Variants in SORL1 observed in about 807,000 individuals in gnomAD.
The protein encoded by SORL1 is sortilin related receptor 1, also known as sortilin-related receptor.
SORL1 carries 127 observed loss-of-function variants against 273.7 expected under a neutral mutation model. The ratio of observed to expected loss-of-function variants is 0.46; its 90% CI spans 0.40 to 0.54. SORL1 has a LOEUF of 0.54. Among genes scored for constraint, SORL1 ranks in the 20% least tolerant of loss-of-function variants. The pLI is 0.00. For synonymous variants in SORL1, 1,031 were observed against 1,067.4 expected (o/e 0.97, Z 0.66); for missense variants, 2,494 against 2,846.1 (o/e 0.88, Z 2.81).
chr11:121,544,822 C>G (rs749431083), intron 13 of SORL1, among the ~76,000 whole-genome samples: 1 of 152,148 alleles, frequency 6.6e-6, no homozygotes, highest in Non-Finnish European at 1.5e-5. Context: ...CCATTGCCTT[C>G]GGGCCACACT....
intron 12 of SORL1, among the ~76,000 whole-genome samples, chr11:121,533,161 CAAT>C (rs34500720): frequency 0.05 from 7,514 of 151,566 alleles, 270 homozygotes; most frequent in African/African-American, 0.099. Context: ...TAATAAATAG[CAAT>C]AATAATAATA....
At chr11:121,513,280 ACTGAAGCAGAG>A (rs1252813153) in intron 7 of SORL1, among the ~76,000 whole-genome samples, 176 bp downstream of exon 7, 1 of 152,224 alleles carries the variant, frequency 6.6e-6, no homozygotes, top group Non-Finnish European at 1.5e-5. Flanking sequence ...TTCCCACTTC[ACTGAAGCAGAG>A]CTGAACGAGA....
intron 37 of SORL1, among the ~76,000 whole-genome samples, chr11:121,607,601 T>C (rs768999080): frequency 2.0e-5 from 3 of 152,228 alleles, no homozygotes; most frequent in East Asian, 3.8e-4. Context: ...TCTTTCCTGC[T>C]TATCTTTAGC....
At chr11:121,570,471 C>T (rs1862824262) in intron 23 of SORL1, among the ~76,000 whole-genome samples, 1 of 152,016 alleles carries the variant, frequency 6.6e-6, no homozygotes, top group African/African-American at 2.4e-5. Flanking sequence ...ATATTATATA[C>T]ATAATATTTT....
At chr11:121,459,620 C>T (rs1220790783) in intron 1 of SORL1, among the ~76,000 whole-genome samples, 3 of 152,230 alleles carry the variant, frequency 2.0e-5, no homozygotes, top group East Asian at 1.9e-4. Flanking sequence ...TCTGTGGCTT[C>T]ACTTCTCATC....
Position 121,452,567 on chromosome 11 carries a change from G to A in SORL1, c.236G>A (p.Arg79Lys). Residue 79 changes from arginine to lysine, a missense_variant, in exon 1 of 48, where the codon AGG becomes AAG. Coordinates refer to ENST00000260197, the MANE Select transcript of SORL1 (RefSeq NM_003105.6). This position sits in a 1 kb window ranked among gnomAD's most constrained non-coding sequence, Gnocchi z 5.3. The part of the protein sequence containing the change: ...ASRADEKPLR[R>K]KRSAALQPEP... The stretch of plus-strand genomic sequence containing the variant: ...CGCGCGGACGAGAAGCCGCTCCGGA[G>A]GAAACGGAGCGCTGCCCTGCAGCCC... 1 of 1,519,340 alleles carries A rather than the reference G, an allele frequency of 6.6e-7. No individual in the cohort carries two copies. The highest frequency in any genetic ancestry group is 8.8e-7 in the Non-Finnish European group (1 of 1,141,288). 94.1% of individuals were successfully genotyped at this position (1,519,340 alleles called of 1,614,324 possible).
At chr11:121,466,463 G>T (rs1190157793) in intron 1 of SORL1, among the ~76,000 whole-genome samples, 1 of 152,172 alleles carries the variant, frequency 6.6e-6, no homozygotes, top group African/African-American at 2.4e-5. Flanking sequence ...GTTCTTGATT[G>T]CTGGGGTCTG....
chr11:121,551,110 C>T (rs1862502039), intron 16 of SORL1, among the ~76,000 whole-genome samples: 1 of 152,186 alleles, frequency 6.6e-6, no homozygotes, highest in Non-Finnish European at 1.5e-5. Context: ...TTATAGATTT[C>T]AGTGTACTTT....
rs1211214705 is a variant in SORL1 at position 121,558,577 on chromosome 11, C to G, written c.2664-14C>G. The G allele has an allele frequency of 8.7e-6, 14 of 1,613,778 alleles. No individual in the cohort carries two copies. Among genetic ancestry groups the G allele is most frequent in the Non-Finnish European group, 1.2e-5 (14 of 1,179,950 alleles). ...GTATTGATGAGGTATGTGTTCTGTC[C>G]CCATTTTCGCTAGGGTGATGTTCTG... On this transcript the variant is annotated splice_polypyrimidine_tract_variant and intron_variant, in intron 19 of 47. Transcript: ENST00000260197.
chr11:121,607,543 A>T (rs2134927029), intron 37 of SORL1, among the ~76,000 whole-genome samples: 1 of 152,166 alleles, frequency 6.6e-6, no homozygotes, highest in Middle Eastern at 3.4e-3. Flanking sequence ...CCTGCTTTTA[A>T]CTCCGGTATT....
At chr11:121,608,072 T>C (rs910284967) in intron 37 of SORL1, 32 bp from the exon 38 acceptor site, 1 of 1,585,464 alleles carries the variant, frequency 6.3e-7, no homozygotes, top group Non-Finnish European at 8.7e-7. Context: ...ATTGCCTTTA[T>C]TTCATATTAA....
At chr11:121,524,058 T>C (rs1332271344) in intron 11 of SORL1, among the ~76,000 whole-genome samples, 3 of 152,212 alleles carry the variant, frequency 2.0e-5, no homozygotes, top group Non-Finnish European at 4.4e-5. Context: ...CTGTGTACTG[T>C]ATGTGGTGAA....
rs528339924 is a variant in SORL1 at position 121,602,672 on chromosome 11, G to T, written c.4520-1521G>T. 2.0e-5 allele frequency among the ~76,000 whole-genome samples: 3 copies of T among 152,328 alleles called. No individual in the cohort carries two copies. The South Asian group carries it at 6.2e-4, about 32-fold the overall frequency. On this transcript the variant is annotated intron_variant, in intron 32 of 47. Transcript: ENST00000260197. Reference sequence around the variant, plus strand: ...CCATGACCACATGCCTGGGTCTGAAGTGGGGCGTATGAAGCTTCCTTGCTC... The same window carrying T: ...CCATGACCACATGCCTGGGTCTGAATTGGGGCGTATGAAGCTTCCTTGCTC...
Position 121,588,062 on chromosome 11 carries a change from G to T in SORL1, c.3857G>T (p.Arg1286Leu), listed in dbSNP as rs912116035. 13 of 1,613,546 alleles carry T rather than the reference G, an allele frequency of 8.1e-6. No homozygotes were observed. Among genetic ancestry groups the T allele is most frequent in the Non-Finnish European group, 1.0e-5 (12 of 1,179,746 alleles). The change falls in exon 28 of 48, where the codon CGC (arginine) becomes CTC (leucine). Residue 1286 changes from arginine to leucine, a missense_variant. Transcript: ENST00000260197. Reference sequence around the variant, plus strand: ...TTCATGGACTTTGTGTGTAAGAACCGCCAGCAGTGCCTGTTCCACTCCATG... The same window carrying T: ...TTCATGGACTTTGTGTGTAAGAACCTCCAGCAGTGCCTGTTCCACTCCATG... The part of the protein sequence containing the change: ...THFMDFVCKN[R>L]QQCLFHSMVC...
At chr11:121,525,718 G>A (rs1263409022) in intron 11 of SORL1, among the ~76,000 whole-genome samples, 1 of 152,176 alleles carries the variant, frequency 6.6e-6, no homozygotes, top group Non-Finnish European at 1.5e-5. Flanking sequence ...TTTAAAATCT[G>A]GTTGTGAAGT....
Position 121,604,304 on chromosome 11 carries a change from G to A in SORL1, c.4631G>A (p.Ser1544Asn). ...GGCTTCCTGGACTGCTCGGACGAGA[G>A]CGATGAAAAGGCCTGCAGTGGTGAG... ...CDGFLDCSDE[S>N]DEKACSDELT... is the part of the protein sequence containing the mutation. Residue 1544 changes from serine to asparagine, a missense_variant, in exon 33 of 48, where the codon AGC becomes AAC. By Grantham distance (46) the Ser-to-Asn change is conservative. Around this residue, in one of 3 missense-constraint regions of SORL1, gnomAD observed 1,609 missense variants for 1,816.4 expected, o/e 0.89. Coordinates refer to ENST00000260197, the MANE Select transcript of SORL1 (RefSeq NM_003105.6). 4 of 1,613,960 alleles carry A rather than the reference G, an allele frequency of 2.5e-6. No homozygotes were observed. Among genetic ancestry groups the A allele is most frequent in the Non-Finnish European group, 3.4e-6 (4 of 1,180,024 alleles).
chr11:121,564,981 G>C (rs1053250833), intron 21 of SORL1, among the ~76,000 whole-genome samples: 1 of 152,194 alleles, frequency 6.6e-6, no homozygotes, highest in African/African-American at 2.4e-5. Context: ...CCACATCCTT[G>C]TTTGAGTTGT....
chr11:121,497,034 TGC>T lies in SORL1; in HGVS notation c.925_926del (p.Ala309TyrfsTer10). 3 of 1,613,664 alleles carry T rather than the reference TGC, an allele frequency of 1.9e-6. No individual in the cohort carries two copies. Among genetic ancestry groups the T allele is most frequent in the Non-Finnish European group, 2.5e-6 (3 of 1,179,888 alleles). On this transcript the variant is annotated frameshift_variant, in exon 6 of 48. Coordinates refer to ENST00000260197, the MANE Select transcript of SORL1 (RefSeq NM_003105.6). LOFTEE classifies it high-confidence loss of function. Reference protein sequence around the residue: ...DFQLRDKYMFATKVVHLLGSE... With the variant: ...DFQLRDKYMFXTKVVHLLGSE... ...TTCAGCTTCGGGACAAGTACATGTT[TGC>T]TACAAAGGTGGTGGTAAGTTGAATG...
Position 121,630,099 on chromosome 11 carries a change from A to G in SORL1, c.*536A>G, listed in dbSNP as rs956911116. ...GGCTTTAGTGGTCATTAGACACCAC[A>G]TGTGTTATGAGCCCCTTACCCATAG... On this transcript the variant is annotated 3_prime_UTR_variant, in exon 48 of 48. Transcript: ENST00000260197. 4 of 155,388 alleles carry G rather than the reference A, an allele frequency of 2.6e-5. No homozygotes were observed. The highest frequency in any genetic ancestry group is 7.2e-5 in the African/African-American group (3 of 41,466). 9.6% of individuals were successfully genotyped at this position (155,388 alleles called of 1,614,324 possible). A position where few individuals can be genotyped will look rare whatever the true frequency, so the allele number is the denominator to read the frequency against.
Sources: gnomAD v4.1 joint callset for allele counts (sites outside exome capture counted in the v4.1 genomes callset) on GRCh38, gnomAD v4.1.1 for gene constraint, gnomAD v4.1.1 regional missense constraint, Gnocchi (gnomAD v3.1) non-coding constraint, MANE v1.5 for transcripts, NCBI Gene and HGNC (gene_info 2026-07-23, HGNC 2026-07-21) for gene names.